The following ZNF257 variants were observed in gnomAD, a reference collection of about 807,000 sequenced individuals.
ZNF257 encodes zinc finger protein 257.
Under a neutral mutation model 11.9 loss-of-function variants are expected in ZNF257, and 12 were observed. The observed-to-expected ratio is 1.01, with a 90% CI of 0.65 to 1.63. The LOEUF is 1.63. Among genes scored for constraint, ZNF257 ranks in the 40% most tolerant of loss-of-function variants. The probability of loss-of-function intolerance (pLI) is 0.00; values close to 1 mark genes in which losing one functional copy is unlikely to be tolerated. For synonymous variants in ZNF257, 183 were observed against 222.7 expected, an observed-to-expected ratio of 0.82 and a Z score of 1.59; for missense variants, 580 against 665.5, an observed-to-expected ratio of 0.87 and a Z score of 1.41.
intron 1 of ZNF257, among the ~76,000 whole-genome samples, chr19:22,070,531 C>T (rs2022078258): frequency 6.6e-6 from 1 of 151,382 alleles, no homozygotes; most frequent in Admixed American, 6.6e-5. Flanking sequence ...ATAAACATTC[C>T]ATCAGTACAC....
chr19:22,056,569 A>G (rs1283250235), intron 1 of ZNF257, among the ~76,000 whole-genome samples: 1 of 144,596 alleles, frequency 6.9e-6, no homozygotes, highest in Non-Finnish European at 1.5e-5. Context: ...TCCGCCTCCC[A>G]GGTTCACACC....
At chr19:22,087,616 T>G in intron 3 of ZNF257, 1 of 1,221,870 alleles carries the variant, frequency 8.2e-7, no homozygotes, top group South Asian at 4.1e-5. Context: ...ATATTTTTCT[T>G]GTCTTTTAAA....
chr19:22,087,252 G>A (rs928794649), intron 3 of ZNF257, among the ~76,000 whole-genome samples: 3 of 151,364 alleles, frequency 2.0e-5, no homozygotes, highest in Non-Finnish European at 4.4e-5. Flanking sequence ...AAGGCTACCT[G>A]TCACAATCTT....
Position 22,056,478 on chromosome 19 carries a change from AT to A in ZNF257, c.3+3860del, listed in dbSNP as rs79915542. Among the ~76,000 whole-genome samples, 178 of 134,558 alleles carry A rather than the reference AT, an allele frequency of 1.3e-3. 2 individuals are homozygous for A. Among genetic ancestry groups the A allele is most frequent in the Non-Finnish European group, 1.3e-3 (82 of 64,696 alleles). The allele number at this position is 134,558 out of a possible 152,430, so 88.3% of individuals were successfully genotyped here. ...TTTCTTTTCCAGAGTGAATTTAGAA[AT>A]TTTTTTTTTTTTTTTTGAGACGGAG... is the stretch of plus-strand genomic sequence containing the variant. On this transcript the variant is annotated intron_variant, in intron 1 of 3. Coordinates refer to ENST00000594947, the MANE Select transcript of ZNF257 (RefSeq NM_033468.4).
intron 1 of ZNF257, among the ~76,000 whole-genome samples, chr19:22,062,890 A>AT (rs1176027181): frequency 2.0e-5 from 3 of 151,804 alleles, no homozygotes; most frequent in Admixed American, 2.0e-4. Flanking sequence ...TTTTCTTCTC[A>AT]TTTTTTTTGG....
chr19:22,060,852 G>A (rs1473795139), intron 1 of ZNF257, among the ~76,000 whole-genome samples: 2 of 152,104 alleles, frequency 1.3e-5, no homozygotes, highest in African/African-American at 4.8e-5. Flanking sequence ...CATAGTGCTA[G>A]CTAGTTATTC....
chr19:22,088,657 C>A lies in ZNF257; in HGVS notation c.907C>A (p.Leu303Ile), dbSNP rs546967776. The A allele has an allele frequency of 6.2e-7, 1 of 1,613,614 alleles. No homozygotes were observed. The change falls in exon 4 of 4, where the codon CTT becomes ATT. Residue 303 changes from leucine to isoleucine, a missense_variant. By Grantham distance (5) the Leu-to-Ile change is conservative. Transcript: ENST00000594947. Reference protein sequence around the residue: ...AFKWSSALTTLTQHKRIHTGE... With the variant: ...AFKWSSALTTITQHKRIHTGE... ...TAAGTGGTCCTCAGCTCTTACTACC[C>A]TTACTCAACATAAGAGAATTCATAC...
intron 3 of ZNF257, among the ~76,000 whole-genome samples, chr19:22,077,927 G>T (rs1164512870): frequency 6.6e-6 from 1 of 151,840 alleles, no homozygotes; most frequent in Non-Finnish European, 1.5e-5. Flanking sequence ...CAGATTTGGT[G>T]TTTTTTTAAA....
At chr19:22,077,103 C>T (rs1403437021) in intron 3 of ZNF257, among the ~76,000 whole-genome samples, 1 of 152,092 alleles carries the variant, frequency 6.6e-6, no homozygotes, top group African/African-American at 2.4e-5. Flanking sequence ...TGCTTGAGCC[C>T]AAAATGTTGA....
In ZNF257 at chr19:22,089,686, C is replaced by A; in HGVS notation, c.*244C>A. On this transcript the variant is annotated 3_prime_UTR_variant, in exon 4 of 4. Coordinates refer to ENST00000594947, the MANE Select transcript of ZNF257 (RefSeq NM_033468.4). The stretch of plus-strand genomic sequence containing the variant: ...TCAACTCTTACTAAACATGAGAACA[C>A]ATGTGGAAGATAAAGCCTACAAATA... 2.1e-6 allele frequency: 2 copies of A among 949,612 alleles called. No homozygotes were observed. Among genetic ancestry groups the A allele is most frequent in the Non-Finnish European group, 2.9e-6 (2 of 684,248 alleles). The allele number at this position is 949,612 out of a possible 1,614,324, so 58.8% of individuals were successfully genotyped here. A position where few individuals can be genotyped will look rare whatever the true frequency, so the allele number is the denominator to read the frequency against.
At chr19:22,062,151 C>T (rs745628969) in intron 1 of ZNF257, among the ~76,000 whole-genome samples, 43 of 150,516 alleles carry the variant, frequency 2.9e-4, no homozygotes, top group Non-Finnish European at 5.3e-4. Flanking sequence ...ACCTCTGCCT[C>T]CTGGGTTCAA....
chr19:22,072,998 T>C (rs7258302), intron 2 of ZNF257, 63 bp downstream of exon 2: 4 of 1,381,120 alleles, frequency 2.9e-6, no homozygotes, highest in Non-Finnish European at 3.7e-6. Flanking sequence ...TTATTTATTT[T>C]TTTTTTTGTA....
In ZNF257 at chr19:22,089,646, G is replaced by T; in HGVS notation, c.*204G>T. 1 of 1,341,456 alleles carries T rather than the reference G, an allele frequency of 7.5e-7. No homozygotes were observed. The highest frequency in any genetic ancestry group is 9.8e-7 in the Non-Finnish European group (1 of 1,017,318). 83.1% of individuals were successfully genotyped at this position (1,341,456 alleles called of 1,614,324 possible). On this transcript the variant is annotated 3_prime_UTR_variant, in exon 4 of 4. Coordinates refer to ENST00000594947, the MANE Select transcript of ZNF257 (RefSeq NM_033468.4). ...CTTGAAATGTGATGAATGTGGCATA[G>T]CCTCTTCCCAGTTCTCAACTCTTAC...
intron 3 of ZNF257, among the ~76,000 whole-genome samples, chr19:22,079,351 G>A (rs1193755069): frequency 1.3e-5 from 2 of 151,984 alleles, no homozygotes; most frequent in African/African-American, 4.8e-5. Flanking sequence ...TTGTAATCAA[G>A]GTTTAAACTT....
intron 3 of ZNF257, among the ~76,000 whole-genome samples, chr19:22,080,280 T>C (rs1166146588): frequency 2.0e-5 from 3 of 152,116 alleles, no homozygotes; most frequent in Non-Finnish European, 4.4e-5. Context: ...CATGCTGCCA[T>C]GTAATTCTCA....
chr19:22,058,901 T>TG (rs953113440), intron 1 of ZNF257, among the ~76,000 whole-genome samples: 2 of 91,352 alleles, frequency 2.2e-5, no homozygotes, highest in South Asian at 6.5e-4. Flanking sequence ...TATCCTAATG[T>TG]TTTTTTTTGC....
intron 3 of ZNF257, among the ~76,000 whole-genome samples, chr19:22,081,913 T>A (rs1397359575): frequency 6.6e-6 from 1 of 152,164 alleles, no homozygotes. Context: ...CTTATAGATA[T>A]GTTTTTTCTC....
intron 3 of ZNF257, among the ~76,000 whole-genome samples, chr19:22,076,298 AATAC>A (rs1304338905): frequency 6.7e-6 from 1 of 150,050 alleles, no homozygotes; most frequent in Non-Finnish European, 1.5e-5. Context: ...ATAAATAATA[AATAC>A]ATATATTAAT....
chr19:22,078,885 C>T (rs1247706339), intron 3 of ZNF257, among the ~76,000 whole-genome samples: 9 of 151,450 alleles, frequency 5.9e-5, no homozygotes, highest in South Asian at 2.1e-4. Flanking sequence ...CTCCACCTCC[C>T]GGGTTCAAGT....
Sources: gnomAD v4.1 joint callset for allele counts (sites outside exome capture counted in the v4.1 genomes callset) on GRCh38, gnomAD v4.1.1 for gene constraint, MANE v1.5 for transcripts, NCBI Gene and HGNC (gene_info 2026-07-23, HGNC 2026-07-21) for gene names.